The following PRKG1 variants were observed in gnomAD, a reference collection of about 807,000 sequenced individuals.
The protein encoded by PRKG1 is protein kinase cGMP-dependent 1.
A neutral mutation model predicts 88.1 loss-of-function variants in PRKG1; 35 were observed. That is an observed-to-expected ratio of 0.40 (90% CI 0.30 to 0.53). The LOEUF is 0.53. Among genes scored for constraint, PRKG1 ranks in the 20% least tolerant of loss-of-function variants. The probability of loss-of-function intolerance (pLI) is 0.59; values close to 1 mark genes in which losing one functional copy is unlikely to be tolerated. For missense variants in PRKG1, 540 were observed against 839.8 expected (o/e 0.64, Z 4.41); for synonymous variants, 303 against 292.5 (o/e 1.04, Z -0.37).
intron 3 of PRKG1, among the ~76,000 whole-genome samples, chr10:51,767,233 A>C (rs542283263): frequency 9.2e-5 from 14 of 152,214 alleles, no homozygotes; most frequent in Non-Finnish European, 1.9e-4. Context: ...AGATTGGCGT[A>C]AATGCACATA....
intron 3 of PRKG1, among the ~76,000 whole-genome samples, chr10:51,656,243 A>T (rs7902515): frequency 0.52 from 78,660 of 151,980 alleles, 22,117 homozygotes; most frequent in East Asian, 0.72. Context: ...ACCAAAATAC[A>T]GTTGTATGAT....
chr10:51,064,390 A>C (rs1274386708), intron 1 of PRKG1, among the ~76,000 whole-genome samples: 1 of 152,132 alleles, frequency 6.6e-6, no homozygotes, highest in African/African-American at 2.4e-5. Context: ...AGTTTCACAC[A>C]GTTATGAATC....
chr10:52,193,557 AAAAAACAAAAAAAAAAAAC>A (rs1839423947), intron 9 of PRKG1, among the ~76,000 whole-genome samples: 3 of 27,896 alleles, frequency 1.1e-4, no homozygotes, highest in African/African-American at 2.1e-4. Flanking sequence ...TCAAAAAAAA[AAAAAACAAAAAAAAAAAAC>A]AAAAAAAAAA....
chr10:51,097,563 G>A (rs979091804), intron 1 of PRKG1, among the ~76,000 whole-genome samples: 6 of 151,970 alleles, frequency 3.9e-5, no homozygotes, highest in Non-Finnish European at 5.9e-5. Flanking sequence ...AGCATTTGTG[G>A]CCATCTAACA....
chr10:52,181,731 A>G (rs1839037072), intron 9 of PRKG1, among the ~76,000 whole-genome samples: 2 of 82,648 alleles, frequency 2.4e-5, no homozygotes, highest in African/African-American at 9.3e-5. Flanking sequence ...ATGGTTTCCA[A>G]TTTCATCCAT....
intron 3 of PRKG1, among the ~76,000 whole-genome samples, chr10:51,560,855 A>T (rs1837439971): frequency 6.6e-6 from 1 of 152,114 alleles, no homozygotes; most frequent in African/African-American, 2.4e-5. Flanking sequence ...AGTTTTGTAT[A>T]TGCTATTGTG....
intron 3 of PRKG1, among the ~76,000 whole-genome samples, chr10:51,801,059 T>G (rs1235235152): frequency 6.6e-6 from 1 of 152,126 alleles, no homozygotes; most frequent in Non-Finnish European, 1.5e-5. Context: ...ATGTGTTGCC[T>G]TTTTTGTGTA....
chr10:51,827,301 A>AT (rs1839902638), intron 4 of PRKG1, among the ~76,000 whole-genome samples: 1 of 152,244 alleles, frequency 6.6e-6, no homozygotes, highest in Admixed American at 6.5e-5. Flanking sequence ...TTTATGCAGT[A>AT]TTTTTGGCTA....
At chr10:51,150,164 G>GT (rs1846035909) in intron 1 of PRKG1, among the ~76,000 whole-genome samples, 1 of 152,066 alleles carries the variant, frequency 6.6e-6, no homozygotes, top group African/African-American at 2.4e-5. Context: ...TCAAAATATT[G>GT]TTAAAATATA....
chr10:51,315,900 G>A (rs1841305187), intron 2 of PRKG1, among the ~76,000 whole-genome samples: 1 of 152,152 alleles, frequency 6.6e-6, no homozygotes, highest in African/African-American at 2.4e-5. Flanking sequence ...CATCTAATCT[G>A]TATCCTCAGA....
chr10:52,280,143 C>T (rs1417506398), intron 12 of PRKG1, among the ~76,000 whole-genome samples: 1 of 151,912 alleles, frequency 6.6e-6, no homozygotes, highest in African/African-American at 2.4e-5. Context: ...TCTTTTAGTC[C>T]ATCTTTTCCC....
intron 3 of PRKG1, among the ~76,000 whole-genome samples, chr10:51,654,368 C>A (rs1428887983): frequency 6.6e-6 from 1 of 152,076 alleles, no homozygotes; most frequent in African/African-American, 2.4e-5. Flanking sequence ...GCTCTCGATT[C>A]TATTCCTTTC....
chr10:52,214,742 C>A (rs1341512203), intron 9 of PRKG1, among the ~76,000 whole-genome samples: 1 of 152,046 alleles, frequency 6.6e-6, no homozygotes, highest in Non-Finnish European at 1.5e-5. Context: ...TAATGCCCCC[C>A]AAAGGAATTC....
At chr10:52,259,077 A>G (rs1190713802) in intron 10 of PRKG1, among the ~76,000 whole-genome samples, 4 of 151,628 alleles carry the variant, frequency 2.6e-5, no homozygotes, top group Non-Finnish European at 5.9e-5. Flanking sequence ...ATAGCTGATC[A>G]GTAGAGTATG....
intron 1 of PRKG1, among the ~76,000 whole-genome samples, chr10:51,093,115 A>G (rs1377828423): frequency 6.6e-6 from 1 of 152,206 alleles, no homozygotes; most frequent in African/African-American, 2.4e-5. Context: ...CCTAAAAGAT[A>G]TAGAGACCCT....
intron 2 of PRKG1, among the ~76,000 whole-genome samples, chr10:51,236,868 A>C (rs1839007510): frequency 6.6e-6 from 1 of 152,130 alleles, no homozygotes. Context: ...ATTAACCTAC[A>C]TAAAGAAGCA....
chr10:51,878,745 C>T (rs1841365035), intron 4 of PRKG1, among the ~76,000 whole-genome samples: 2 of 152,172 alleles, frequency 1.3e-5, no homozygotes, highest in African/African-American at 4.8e-5. Context: ...CCTTTCTTCC[C>T]ATACTGACTA....
chr10:50,999,519 A>C (rs576262865), intron 1 of PRKG1, among the ~76,000 whole-genome samples: 2 of 152,274 alleles, frequency 1.3e-5, no homozygotes, highest in East Asian at 1.9e-4. Flanking sequence ...AGTACTTTAA[A>C]ATGTGTTTTA....
At chr10:51,294,581 A>G (rs2132227899) in intron 2 of PRKG1, among the ~76,000 whole-genome samples, 1 of 152,260 alleles carries the variant, frequency 6.6e-6, no homozygotes, top group East Asian at 1.9e-4. Context: ...ATTACTTTTA[A>G]TGTTAATTAG....
Sources: gnomAD v4.1 joint callset for allele counts (sites outside exome capture counted in the v4.1 genomes callset) on GRCh38, gnomAD v4.1.1 for gene constraint, MANE v1.5 for transcripts, NCBI Gene and HGNC (gene_info 2026-07-23, HGNC 2026-07-21) for gene names.